HDAC9: variants seen among roughly 807,000 people sequenced by gnomAD.
The protein encoded by HDAC9 is histone deacetylase 9.
HDAC9 carries 41 observed loss-of-function variants against 139.4 expected under a neutral mutation model. That is an observed-to-expected ratio of 0.29 (90% CI 0.23 to 0.38). The LOEUF is 0.38. HDAC9 is among the 10% of genes least tolerant of loss of function. HDAC9 has a pLI of 1.00. For missense variants in HDAC9, 1,147 were observed against 1,297.0 expected (o/e 0.88, Z 1.78); for synonymous variants, 517 against 476.2 (o/e 1.09, Z -1.12).
At chr7:18,847,666 C>T (rs1448799807) in intron 21 of HDAC9, among the ~76,000 whole-genome samples, 1 of 152,166 alleles carries the variant, frequency 6.6e-6, no homozygotes, top group Non-Finnish European at 1.5e-5. Flanking sequence ...CAGTTTGAAG[C>T]CAAGAAGCAA....
At chr7:18,377,530 C>T (rs10279254) in intron 1 of HDAC9, among the ~76,000 whole-genome samples, 21,070 of 152,008 alleles carry the variant, frequency 0.14, 2,896 homozygotes, top group African/African-American at 0.35. Context: ...TCCATATATG[C>T]GCATGACACT....
chr7:18,631,575 C>G (rs780011853), intron 7 of HDAC9, among the ~76,000 whole-genome samples: 7 of 151,976 alleles, frequency 4.6e-5, no homozygotes, highest in Non-Finnish European at 7.4e-5. Flanking sequence ...ACCTCTATGT[C>G]TTTTCTCTCT....
intron 2 of HDAC9, among the ~76,000 whole-genome samples, chr7:18,568,046 A>G (rs537567686): frequency 4.1e-5 from 6 of 144,794 alleles, no homozygotes; most frequent in Non-Finnish European, 9.0e-5. Flanking sequence ...ATATATATAT[A>G]TATATATGTA....
chr7:18,547,321 T>C (rs900654735), intron 2 of HDAC9, among the ~76,000 whole-genome samples: 22 of 152,262 alleles, frequency 1.4e-4, no homozygotes, highest in African/African-American at 2.6e-4. Context: ...CTGCAAGCTC[T>C]GCCTCCCGGG....
chr7:18,784,105 G>A (rs573474588), intron 16 of HDAC9, among the ~76,000 whole-genome samples: 2 of 144,824 alleles, frequency 1.4e-5, no homozygotes, highest in African/African-American at 5.1e-5. Flanking sequence ...TTCTATATTC[G>A]AGTCTTTCTG....
intron 2 of HDAC9, among the ~76,000 whole-genome samples, chr7:18,247,174 A>G (rs554195882): frequency 2.3e-4 from 35 of 151,984 alleles, no homozygotes; most frequent in African/African-American, 8.5e-4. Context: ...AGTTCTAGAA[A>G]GAGTTCTGTT....
intron 12 of HDAC9, among the ~76,000 whole-genome samples, chr7:18,716,438 CTT>C (rs1225543850): frequency 6.6e-6 from 1 of 151,996 alleles, no homozygotes; most frequent in East Asian, 1.9e-4. Context: ...AATATAGTTT[CTT>C]TTGTATTTTG....
intron 8 of HDAC9, among the ~76,000 whole-genome samples, chr7:18,643,847 T>C (rs1201713208): frequency 6.6e-6 from 1 of 152,078 alleles, no homozygotes; most frequent in East Asian, 1.9e-4. Flanking sequence ...TTGGGGACCA[T>C]ATCAGGCCAG....
chr7:18,290,848 T>G (rs1169564038), intron 1 of HDAC9, among the ~76,000 whole-genome samples: 2 of 152,214 alleles, frequency 1.3e-5, no homozygotes, highest in African/African-American at 4.8e-5. Context: ...CCCGGAATTG[T>G]CAGCAGGGGC....
At chr7:18,433,086 TAATATGCTCAA>T (rs1457774136) in intron 1 of HDAC9, among the ~76,000 whole-genome samples, 1 of 152,126 alleles carries the variant, frequency 6.6e-6, no homozygotes, top group Non-Finnish European at 1.5e-5. Context: ...GAGGTTGCTT[TAATATGCTCAA>T]ATCAATAAAA....
intron 25 of HDAC9, among the ~76,000 whole-genome samples, chr7:18,984,743 C>T (rs187457305): frequency 2.6e-4 from 39 of 152,144 alleles, no homozygotes; most frequent in Admixed American, 2.3e-3. Flanking sequence ...AAAAGGAAGA[C>T]GTTGGTTGAA....
At chr7:18,440,088 T>A (rs1189597976) in intron 1 of HDAC9, among the ~76,000 whole-genome samples, 2 of 152,208 alleles carry the variant, frequency 1.3e-5, no homozygotes, top group Non-Finnish European at 2.9e-5. Context: ...GTAAGAGAAA[T>A]TCCTGTATGG....
chr7:18,546,241 G>C (rs1005259951), intron 2 of HDAC9, among the ~76,000 whole-genome samples: 4 of 152,164 alleles, frequency 2.6e-5, no homozygotes, highest in Admixed American at 2.0e-4. Flanking sequence ...GTAAGAATAT[G>C]ATTTCAGAAT....
At chr7:18,752,499 A>G (rs1445021265) in intron 14 of HDAC9, among the ~76,000 whole-genome samples, 1 of 152,144 alleles carries the variant, frequency 6.6e-6, no homozygotes, top group African/African-American at 2.4e-5. Context: ...AGGGGCTATC[A>G]GAAGTTAAAC....
intron 12 of HDAC9, among the ~76,000 whole-genome samples, chr7:18,669,273 A>T (rs1028472159): frequency 2.0e-5 from 3 of 151,884 alleles, no homozygotes; most frequent in Non-Finnish European, 3.0e-5. Flanking sequence ...ATTAAAATGA[A>T]TAATATTCCA....
At chr7:18,783,757 C>G (rs1419405460) in intron 16 of HDAC9, among the ~76,000 whole-genome samples, 1 of 151,678 alleles carries the variant, frequency 6.6e-6, no homozygotes, top group Non-Finnish European at 1.5e-5. Flanking sequence ...ACTGCCAGGC[C>G]AGAAGCCATA....
At position 19,001,329 on chromosome 7, in the gene HDAC9, A is replaced by T. The variant is rs1409669226; in HGVS notation, c.*5267A>T. The T allele has an allele frequency of 6.6e-6, 1 of 151,904 alleles. No individual in the cohort carries two copies. The allele number at this position is 151,904 out of a possible 1,614,324, so 9.4% of individuals were successfully genotyped here. On this transcript the variant is annotated 3_prime_UTR_variant, in exon 26 of 26. Coordinates refer to ENST00000686413, the MANE Select transcript of HDAC9 (RefSeq NM_178425.4). The stretch of plus-strand genomic sequence containing the variant: ...TTTTAAAGCAAATTGGAATCGTTTT[A>T]TTTTTTTGTTTGGGCCTTAGGCACA...
intron 17 of HDAC9, among the ~76,000 whole-genome samples, chr7:18,812,241 T>A (rs1794230199): frequency 6.6e-6 from 1 of 151,912 alleles, no homozygotes; most frequent in South Asian, 2.1e-4. Context: ...GGAATGTCTT[T>A]TATATTTGCT....
chr7:18,353,814 C>T (rs1021090089), intron 1 of HDAC9, among the ~76,000 whole-genome samples: 1 of 152,100 alleles, frequency 6.6e-6, no homozygotes, highest in Non-Finnish European at 1.5e-5. Context: ...TCATGAACTC[C>T]TAGCATTGGA....
Sources: allele counts gnomAD v4.1 joint callset (sites outside exome capture counted in the v4.1 genomes callset), GRCh38; gene constraint gnomAD v4.1.1; transcripts MANE v1.5; gene names NCBI Gene and HGNC (gene_info 2026-07-23, HGNC 2026-07-21).